FAM171B: variants seen among roughly 807,000 people sequenced by gnomAD.
FAM171B encodes protein FAM171B.
Under a neutral mutation model 75.6 loss-of-function variants are expected in FAM171B, and 19 were observed. The ratio of observed to expected loss-of-function variants is 0.25; its 90% CI spans 0.18 to 0.37. FAM171B has a LOEUF of 0.37. Ranked by LOEUF, FAM171B falls within the 10% of genes least tolerant of loss-of-function variation. The pLI is 1.00. For synonymous variants in FAM171B, 367 were observed against 361.7 expected (o/e 1.01, Z -0.17); for missense variants, 848 against 982.4 (o/e 0.86, Z 1.83).
chr2:186,723,451 C>CT (rs142688303), intron 1 of FAM171B, among the ~76,000 whole-genome samples: 1 of 152,000 alleles, frequency 6.6e-6, no homozygotes, highest in African/African-American at 2.4e-5. Context: ...CCCCTTATGT[C>CT]TTTTTTTTAT....
At chr2:186,750,887 C>T (rs1048936801) in intron 4 of FAM171B, among the ~76,000 whole-genome samples, 1 of 151,958 alleles carries the variant, frequency 6.6e-6, no homozygotes, top group African/African-American at 2.4e-5. Context: ...TTCTAGTGCC[C>T]CTTACATCAG....
intron 1 of FAM171B, among the ~76,000 whole-genome samples, chr2:186,735,004 C>T (rs1412244289): frequency 6.6e-6 from 1 of 152,188 alleles, no homozygotes; most frequent in African/African-American, 2.4e-5. Flanking sequence ...TTCCTGGGCC[C>T]CTGAGAGCAG....
chr2:186,759,555 C>CTT (rs1158605455), intron 6 of FAM171B, among the ~76,000 whole-genome samples: 3 of 152,084 alleles, frequency 2.0e-5, no homozygotes, highest in Non-Finnish European at 4.4e-5. Flanking sequence ...ATAAGATGAT[C>CTT]TTATAGTAGT....
Position 186,761,342 on chromosome 2 carries a change from T to C in FAM171B, c.1136+106T>C, listed in dbSNP as rs908534223. The C allele has an allele frequency of 1.2e-5, 17 of 1,444,632 alleles. No homozygotes were observed. The African/African-American group carries it at 2.4e-4, about 20-fold the overall frequency. 89.5% of individuals were successfully genotyped at this position (1,444,632 alleles called of 1,614,324 possible). On this transcript the variant is annotated intron_variant, in intron 7 of 7. Transcript: ENST00000304698. ...TGTAGAAATAAATTTAATCTTATAATATATCCTTTTTTATTTTTAATCTAC... is the reference window on the plus strand; with the variant it reads ...TGTAGAAATAAATTTAATCTTATAACATATCCTTTTTTATTTTTAATCTAC...
intron 1 of FAM171B, 26 bp downstream of exon 1, chr2:186,694,437 C>A (rs2105767396): frequency 1.3e-6 from 2 of 1,595,992 alleles, no homozygotes; most frequent in African/African-American, 2.7e-5. Context: ...CCAGCCCGGT[C>A]TTTCAGTCTC....
chr2:186,730,072 C>T (rs549668842), intron 1 of FAM171B, among the ~76,000 whole-genome samples: 3 of 152,268 alleles, frequency 2.0e-5, no homozygotes, highest in Non-Finnish European at 4.4e-5. Context: ...GCAATTCCCC[C>T]GCCTCAGCCT....
intron 1 of FAM171B, among the ~76,000 whole-genome samples, chr2:186,698,358 CTT>C (rs2105769276): frequency 6.6e-6 from 1 of 152,132 alleles, no homozygotes; most frequent in African/African-American, 2.4e-5. Flanking sequence ...TATTTTTAAA[CTT>C]TTTATTTCGC....
At position 186,754,023 on chromosome 2, in the gene FAM171B, T is replaced by C. The variant is rs745607684; in HGVS notation, c.986T>C (p.Ile329Thr). ...TYDAPHLGYW[I>T]AAPLPGTRGS... Reference sequence around the variant, plus strand: ...GATGCACCACATTTGGGGTACTGGATAGCAGCTCCACTTCCAGGAACTAGA... The same window carrying C: ...GATGCACCACATTTGGGGTACTGGACAGCAGCTCCACTTCCAGGAACTAGA... Residue 329 changes from isoleucine to threonine, a missense_variant, in exon 6 of 8, where the codon ATA (isoleucine) becomes ACA (threonine). Around this residue, in one of 3 missense-constraint regions of FAM171B, gnomAD observed 665 missense variants for 729.0 expected, o/e 0.91. Coordinates refer to ENST00000304698, the MANE Select transcript of FAM171B (RefSeq NM_177454.4). 6.2e-7 allele frequency: 1 copy of C among 1,604,474 alleles called. No individual in the cohort carries two copies. Among genetic ancestry groups the C allele is most frequent in the Non-Finnish European group, 8.5e-7 (1 of 1,177,010 alleles).
At chr2:186,761,324 A>G in intron 7 of FAM171B, 88 bp downstream of exon 7, 5 of 1,492,712 alleles carry the variant, frequency 3.3e-6, no homozygotes, top group Non-Finnish European at 4.5e-6. Flanking sequence ...ATTTGTAGAA[A>G]TAAATTTAAT....
chr2:186,705,167 A>C (rs1689717454), intron 1 of FAM171B, among the ~76,000 whole-genome samples: 1 of 152,208 alleles, frequency 6.6e-6, no homozygotes, highest in Non-Finnish European at 1.5e-5. Flanking sequence ...AGAGAGTAGC[A>C]GCTCTGGGCA....
At chr2:186,743,460 T>G (rs776882387) in intron 2 of FAM171B, 23 bp from the exon 3 acceptor site, 1 of 1,529,074 alleles carries the variant, frequency 6.5e-7, no homozygotes, top group Non-Finnish European at 9.0e-7. Flanking sequence ...AGTAAAATAT[T>G]CTAATTGTGC....
chr2:186,761,278 G>A lies in FAM171B; in HGVS notation c.1136+42G>A, dbSNP rs758249882. 9 of 1,605,560 alleles carry A rather than the reference G, an allele frequency of 5.6e-6. No homozygotes were observed. The South Asian group carries it at 5.6e-5, about 10-fold the overall frequency. On this transcript the variant is annotated intron_variant, in intron 7 of 7. Transcript: ENST00000304698. Reference sequence around the variant, plus strand: ...AAACACAGAAAACTATCAAGTTATGGTATCATTTCAGTATATTCTGTACAT... The same window carrying A: ...AAACACAGAAAACTATCAAGTTATGATATCATTTCAGTATATTCTGTACAT...
At chr2:186,727,852 A>G (rs1690058541) in intron 1 of FAM171B, among the ~76,000 whole-genome samples, 1 of 152,196 alleles carries the variant, frequency 6.6e-6, no homozygotes, top group Admixed American at 6.5e-5. Context: ...TCAGATATTT[A>G]TATATGTAGT....
intron 1 of FAM171B, among the ~76,000 whole-genome samples, chr2:186,708,555 G>A (rs1362434714): frequency 6.6e-6 from 1 of 152,132 alleles, no homozygotes; most frequent in Non-Finnish European, 1.5e-5. Context: ...CAGGTATGGG[G>A]GAAAGTAATT....
At chr2:186,711,851 C>T (rs1418989033) in intron 1 of FAM171B, among the ~76,000 whole-genome samples, 1 of 152,148 alleles carries the variant, frequency 6.6e-6, no homozygotes, top group Non-Finnish European at 1.5e-5. Context: ...TGTACTTTCT[C>T]CATGAGGCTT....
At chr2:186,756,800 T>A (rs1666245625) in intron 6 of FAM171B, among the ~76,000 whole-genome samples, 1 of 152,142 alleles carries the variant, frequency 6.6e-6, no homozygotes, top group Admixed American at 6.6e-5. Flanking sequence ...ACCATCTGAT[T>A]TGGCTTCAAA....
At chr2:186,721,368 C>A (rs1223778734) in intron 1 of FAM171B, among the ~76,000 whole-genome samples, 2 of 152,118 alleles carry the variant, frequency 1.3e-5, no homozygotes, top group African/African-American at 4.8e-5. Context: ...ACAATAGTAA[C>A]ACATTATGAA....
chr2:186,704,787 G>T (rs911871486), intron 1 of FAM171B, among the ~76,000 whole-genome samples: 7 of 152,192 alleles, frequency 4.6e-5, no homozygotes, highest in African/African-American at 1.7e-4. Flanking sequence ...AGAAGTCTAT[G>T]CATCGATAAA....
chr2:186,741,237 G>C (rs772103130), intron 2 of FAM171B, among the ~76,000 whole-genome samples: 8 of 151,992 alleles, frequency 5.3e-5, no homozygotes, highest in African/African-American at 1.4e-4. Context: ...AAAATATATT[G>C]CTTAGAGAGA....
Sources: gnomAD v4.1 joint callset for allele counts (sites outside exome capture counted in the v4.1 genomes callset) on GRCh38, gnomAD v4.1.1 for gene constraint, gnomAD v4.1.1 regional missense constraint, MANE v1.5 for transcripts, NCBI Gene and HGNC (gene_info 2026-07-23, HGNC 2026-07-21) for gene names.